The following FHIP1A variants were observed in gnomAD, a reference collection of about 807,000 sequenced individuals.
The protein encoded by FHIP1A is FHF complex subunit HOOK interacting protein 1A, also known as FHF complex subunit HOOK-interacting protein 1A.
FHIP1A carries 61 observed loss-of-function variants against 88.6 expected under a neutral mutation model. That is an observed-to-expected ratio of 0.69 (90% CI 0.56 to 0.85). The LOEUF (loss-of-function observed/expected upper bound fraction) is 0.85. Among genes scored for constraint, FHIP1A ranks in the 40% least tolerant of loss-of-function variants. The pLI is 0.00. For missense variants in FHIP1A, 1,154 were observed against 1,273.5 expected (o/e 0.91, Z 1.43); for synonymous variants, 478 against 496.0 (o/e 0.96, Z 0.48).
rs374841239 is a variant in FHIP1A, at chr4:151,645,859, A to G, written c.1227-699A>G. On this transcript the variant is annotated intron_variant, in intron 9 of 13. Transcript: ENST00000435205. ...TTCTTGTCCCCAGGTTCAAAATGAT[A>G]CTAAGATGCTTTTGATCACCAACCA... Among the ~76,000 whole-genome samples, 22 of 152,200 alleles carry G rather than the reference A, an allele frequency of 1.4e-4. 1 individual carries two copies. Among genetic ancestry groups the G allele is most frequent in the Admixed American group, 9.8e-4 (15 of 15,284 alleles).
At chr4:151,526,055 A>G (rs2126702492) in intron 3 of FHIP1A, among the ~76,000 whole-genome samples, 1 of 152,286 alleles carries the variant, frequency 6.6e-6, no homozygotes, top group African/African-American at 2.4e-5. Context: ...CACATGTTTC[A>G]GATAGCACAG....
Position 151,629,754 on chromosome 4 carries a change from G to C in FHIP1A, c.1031G>C (p.Arg344Pro). 1 of 1,551,350 alleles carries C rather than the reference G, an allele frequency of 6.4e-7. No homozygotes were observed. ...TTTAYLDLFL[R>P]SISEPALLEI... Reference sequence around the variant, plus strand: ...ACTGCATATCTGGACCTTTTCCTGCGTAGCATCTCCGAGCCAGCACTACTT... The same window carrying C: ...ACTGCATATCTGGACCTTTTCCTGCCTAGCATCTCCGAGCCAGCACTACTT... The change falls in exon 8 of 14, where the codon CGT (arginine) becomes CCT (proline). Residue 344 changes from arginine (R) to proline (P), a missense_variant. Physicochemically the swap from Arg to Pro is moderately radical, Grantham distance 103. Coordinates refer to ENST00000435205, the MANE Select transcript of FHIP1A (RefSeq NM_001109977.3).
chr4:151,415,874 A>G (rs1258479466), intron 1 of FHIP1A, among the ~76,000 whole-genome samples: 1 of 151,408 alleles, frequency 6.6e-6, no homozygotes, highest in Non-Finnish European at 1.5e-5. Context: ...GAAGATAGTA[A>G]TTGGTAACAG....
chr4:151,463,393 C>G (rs1729204111), intron 2 of FHIP1A, among the ~76,000 whole-genome samples: 1 of 152,208 alleles, frequency 6.6e-6, no homozygotes, highest in South Asian at 2.1e-4. Flanking sequence ...ATTATCCTTT[C>G]TGTTTTATAC....
intron 7 of FHIP1A, among the ~76,000 whole-genome samples, chr4:151,613,173 A>G (rs374147609): frequency 5.9e-5 from 9 of 152,290 alleles, no homozygotes; most frequent in Admixed American, 5.2e-4. Flanking sequence ...GCTCTTCTGT[A>G]ATGGGTCTTT....
chr4:151,440,167 A>G (rs1433000485), intron 1 of FHIP1A, among the ~76,000 whole-genome samples: 1 of 152,138 alleles, frequency 6.6e-6, no homozygotes, highest in Non-Finnish European at 1.5e-5. Flanking sequence ...AGATCTTGTG[A>G]GAACTCACTC....
At chr4:151,476,621 A>AT (rs1729717479) in intron 2 of FHIP1A, among the ~76,000 whole-genome samples, 2 of 152,228 alleles carry the variant, frequency 1.3e-5, no homozygotes, top group African/African-American at 4.8e-5. Context: ...CTAATTGTTA[A>AT]TGGTATTTGG....
chr4:151,521,900 A>G (rs1025918677), intron 3 of FHIP1A, among the ~76,000 whole-genome samples: 5 of 151,910 alleles, frequency 3.3e-5, no homozygotes, highest in African/African-American at 1.2e-4. Context: ...AATTTTTAAA[A>G]TTTTTTGTGG....
intron 3 of FHIP1A, among the ~76,000 whole-genome samples, chr4:151,546,771 C>T (rs1732518746): frequency 6.6e-6 from 1 of 152,150 alleles, no homozygotes; most frequent in Non-Finnish European, 1.5e-5. Flanking sequence ...CATACACACG[C>T]AACATGTTAA....
At chr4:151,481,420 G>A (rs940728319) in intron 2 of FHIP1A, among the ~76,000 whole-genome samples, 1 of 151,934 alleles carries the variant, frequency 6.6e-6, no homozygotes, top group Non-Finnish European at 1.5e-5. Flanking sequence ...TTGTGATTAA[G>A]TAAATTATGT....
chr4:151,526,883 A>T (rs1468722716), intron 3 of FHIP1A, among the ~76,000 whole-genome samples: 74 of 147,854 alleles, frequency 5.0e-4, no homozygotes, highest in Non-Finnish European at 9.2e-4. Flanking sequence ...CACATCCCGG[A>T]CGGGGCGGCA....
chr4:151,526,364 G>A (rs543869542), intron 3 of FHIP1A, among the ~76,000 whole-genome samples: 4 of 151,370 alleles, frequency 2.6e-5, no homozygotes, highest in Admixed American at 2.0e-4. Context: ...CCTCCCAGAC[G>A]AGGCGGCTGG....
chr4:151,516,512 G>A (rs929427023), intron 3 of FHIP1A, among the ~76,000 whole-genome samples: 3 of 151,992 alleles, frequency 2.0e-5, no homozygotes, highest in Non-Finnish European at 4.4e-5. Flanking sequence ...GAGTGAACAG[G>A]CAACCTACAA....
chr4:151,486,765 G>A (rs1038218400), intron 3 of FHIP1A, among the ~76,000 whole-genome samples: 2 of 151,812 alleles, frequency 1.3e-5, no homozygotes, highest in Non-Finnish European at 2.9e-5. Context: ...TCGGGAGTTC[G>A]AGACCAGCCT....
chr4:151,496,418 T>C (rs1730462573), intron 3 of FHIP1A, among the ~76,000 whole-genome samples: 1 of 152,054 alleles, frequency 6.6e-6, no homozygotes, highest in Non-Finnish European at 1.5e-5. Flanking sequence ...TATATATTTG[T>C]TTTTGGAGGG....
At chr4:151,521,247 GATTTT>G (rs759063837) in intron 3 of FHIP1A, among the ~76,000 whole-genome samples, 76 of 152,272 alleles carry the variant, frequency 5.0e-4, no homozygotes, top group Admixed American at 3.7e-3. Flanking sequence ...GGCTACCCTA[GATTTT>G]ATTTTAAGTG....
In FHIP1A at chr4:151,459,834, AAAC is replaced by A. The variant is rs1729088072; in HGVS notation, c.-248+5033_-248+5035del. Among the ~76,000 whole-genome samples the A allele has an allele frequency of 5.9e-5, 9 of 152,326 alleles. 1 individual carries two copies. In the South Asian group the frequency reaches 1.9e-3, roughly 32 times the overall value. ...AATACCCTTGTTGTAGAGCTACCAA[AAAC>A]AACAACTATTTATTAAGGTTGACGG... is the stretch of plus-strand genomic sequence containing the variant. On this transcript the variant is annotated intron_variant, in intron 2 of 13. Coordinates refer to ENST00000435205, the MANE Select transcript of FHIP1A (RefSeq NM_001109977.3).
At chr4:151,643,992 T>G (rs545226563) in intron 9 of FHIP1A, among the ~76,000 whole-genome samples, 1 of 152,380 alleles carries the variant, frequency 6.6e-6, no homozygotes, top group African/African-American at 2.4e-5. Context: ...GTTCCATTTT[T>G]AATACTTCAA....
At chr4:151,484,119 A>G (rs944061282) in intron 3 of FHIP1A, among the ~76,000 whole-genome samples, 2 of 152,140 alleles carry the variant, frequency 1.3e-5, no homozygotes, top group African/African-American at 4.8e-5. Context: ...ACTCCAACCA[A>G]TGAGAGCTCC....
Sources: allele counts gnomAD v4.1 joint callset (sites outside exome capture counted in the v4.1 genomes callset), GRCh38; gene constraint gnomAD v4.1.1; transcripts MANE v1.5; gene names NCBI Gene and HGNC (gene_info 2026-07-23, HGNC 2026-07-21).